SLC44A5: variants seen among roughly 807,000 people sequenced by gnomAD.
SLC44A5 encodes choline transporter-like protein 5.
SLC44A5 carries 57 observed loss-of-function variants against 101.8 expected under a neutral mutation model. The observed-to-expected ratio is 0.56, with a 90% CI of 0.45 to 0.70. The LOEUF (loss-of-function observed/expected upper bound fraction) is 0.70. Ranked by LOEUF, SLC44A5 falls within the 30% of genes least tolerant of loss-of-function variation. SLC44A5 has a pLI of 0.00. For synonymous variants in SLC44A5, 281 were observed against 290.9 expected (o/e 0.97, Z 0.35); for missense variants, 737 against 853.1 (o/e 0.86, Z 1.70).
intron 13 of SLC44A5, among the ~76,000 whole-genome samples, chr1:75,227,229 G>T (rs1471888535): frequency 6.6e-6 from 1 of 152,084 alleles, no homozygotes; most frequent in African/African-American, 2.4e-5. Flanking sequence ...GCCAGGCATG[G>T]TGGCACACAT....
chr1:75,539,336 G>T (rs1277993543), intron 2 of SLC44A5, among the ~76,000 whole-genome samples: 1 of 150,990 alleles, frequency 6.6e-6, no homozygotes, highest in African/African-American at 2.4e-5. Flanking sequence ...GTAATTTGAG[G>T]TCACTGTTCT....
chr1:75,450,869 T>C (rs989577949), intron 2 of SLC44A5, among the ~76,000 whole-genome samples: 5 of 152,156 alleles, frequency 3.3e-5, no homozygotes, highest in African/African-American at 1.2e-4. Flanking sequence ...CTCCAGGTAT[T>C]TGGGGCATCC....
At chr1:75,530,280 C>G (rs1032696505) in intron 2 of SLC44A5, among the ~76,000 whole-genome samples, 1 of 152,052 alleles carries the variant, frequency 6.6e-6, no homozygotes, top group Non-Finnish European at 1.5e-5. Flanking sequence ...CTCTTAATAT[C>G]AAGAGTATAA....
chr1:75,716,876 C>T, the SLC44A5 span, among the ~76,000 whole-genome samples: 1 of 151,206 alleles, frequency 6.6e-6, no homozygotes, highest in African/African-American at 2.4e-5. Context: ...TACTAAAATA[C>T]AAAAAAAATT....
In SLC44A5 at chr1:75,203,748, ATT is replaced by A; in HGVS notation, c.2131_2132del (p.Asn711SerfsTer4). 6.5e-7 allele frequency: 1 copy of A among 1,549,054 alleles called. No individual in the cohort carries two copies. Among genetic ancestry groups the A allele is most frequent in the East Asian group, 2.5e-5 (1 of 40,772 alleles). On this transcript the variant is annotated frameshift_variant, in exon 24 of 24. Transcript: ENST00000370859. LOFTEE classifies it low-confidence loss of function (END_TRUNC). ...QPLLKIFQEE[N>X]PQTRKQ ...TCTTCTACTGCTTCCTAGTTTGTGG[ATT>A]TTCCTCCTGGAAAATCTTCAGCAAA...
chr1:75,655,519 C>T, the SLC44A5 span, among the ~76,000 whole-genome samples: 1 of 152,146 alleles, frequency 6.6e-6, no homozygotes, highest in African/African-American at 2.4e-5. Context: ...TTCATGCAAG[C>T]TCTCGTACTA....
rs1203567869 is a variant in SLC44A5, at chr1:75,203,275, T to C, written c.*452A>G. 6.6e-6 allele frequency: 1 copy of C among 152,360 alleles called. No individual in the cohort carries two copies. Among genetic ancestry groups the C allele is most frequent in the Admixed American group, 6.5e-5 (1 of 15,272 alleles). The allele number at this position is 152,360 out of a possible 1,614,324, so 9.4% of individuals were successfully genotyped here. On this transcript the variant is annotated 3_prime_UTR_variant, in exon 24 of 24. Coordinates refer to ENST00000370859, the MANE Select transcript of SLC44A5 (RefSeq NM_001130058.2). ...CAACTGGGGCAGTCCTTTCACTGAT[T>C]TACTGTCCAACGAGAGTGGGAAAAA...
intron 22 of SLC44A5, among the ~76,000 whole-genome samples, chr1:75,212,468 T>A (rs997762240): frequency 6.6e-6 from 1 of 152,128 alleles, no homozygotes; most frequent in Non-Finnish European, 1.5e-5. Context: ...CCTGTTTCAG[T>A]TTGCTTAGGA....
At chr1:75,408,719 G>A (rs1363486747) in intron 2 of SLC44A5, among the ~76,000 whole-genome samples, 1 of 151,694 alleles carries the variant, frequency 6.6e-6, no homozygotes, top group African/African-American at 2.4e-5. Flanking sequence ...GGGCTGGGGG[G>A]CTAGGGGAGG....
chr1:75,229,004 T>C (rs988670228), intron 12 of SLC44A5, among the ~76,000 whole-genome samples: 1 of 151,890 alleles, frequency 6.6e-6, no homozygotes, highest in African/African-American at 2.4e-5. Flanking sequence ...CTTACTAATT[T>C]ATATTCTTTG....
chr1:75,516,939 G>A (rs1669871138), intron 2 of SLC44A5, among the ~76,000 whole-genome samples: 2 of 152,118 alleles, frequency 1.3e-5, no homozygotes, highest in Non-Finnish European at 2.9e-5. Flanking sequence ...TTCTGTTCAT[G>A]GGAAGAATTG....
chr1:75,495,111 A>G (rs1668601657), intron 2 of SLC44A5, among the ~76,000 whole-genome samples: 1 of 152,182 alleles, frequency 6.6e-6, no homozygotes, highest in African/African-American at 2.4e-5. Context: ...GAAGAACAAG[A>G]TACTTGACCT....
the SLC44A5 span, among the ~76,000 whole-genome samples, chr1:75,695,067 G>T: frequency 5.3e-5 from 8 of 152,144 alleles, no homozygotes; most frequent in South Asian, 6.2e-4. Flanking sequence ...GGGTAAAAAA[G>T]GCAATTGATT....
At chr1:75,650,583 C>A in the SLC44A5 span, among the ~76,000 whole-genome samples, 1 of 152,172 alleles carries the variant, frequency 6.6e-6, no homozygotes, top group Non-Finnish European at 1.5e-5. Context: ...TGCTCTGAAC[C>A]AAGTCTAATT....
intron 1 of SLC44A5, among the ~76,000 whole-genome samples, chr1:75,583,777 T>C (rs995626465): frequency 5.9e-5 from 9 of 152,200 alleles, no homozygotes; most frequent in African/African-American, 2.2e-4. Context: ...ATTTTGTAGA[T>C]GACCATAACC....
intron 1 of SLC44A5, among the ~76,000 whole-genome samples, chr1:75,603,666 A>G (rs1252120641): frequency 6.7e-6 from 1 of 150,032 alleles, no homozygotes; most frequent in Non-Finnish European, 1.5e-5. Context: ...AATTTTAATA[A>G]TAGTTATTCT....
the SLC44A5 span, among the ~76,000 whole-genome samples, chr1:75,675,668 C>T: frequency 8.5e-5 from 13 of 152,098 alleles, no homozygotes; most frequent in African/African-American, 3.1e-4. Context: ...ACAAAAACAT[C>T]AGAAGCAACT....
intron 2 of SLC44A5, among the ~76,000 whole-genome samples, chr1:75,452,965 C>T (rs1665988323): frequency 6.6e-6 from 1 of 152,048 alleles, no homozygotes; most frequent in Admixed American, 6.5e-5. Context: ...CCACCAAAAA[C>T]ACTATTCAGA....
intron 3 of SLC44A5, among the ~76,000 whole-genome samples, chr1:75,372,188 C>T (rs1254314636): frequency 7.9e-6 from 1 of 125,858 alleles, no homozygotes; most frequent in African/African-American, 3.2e-5. Context: ...CAGAGTGAGA[C>T]TCTGTCTCAA....
Sources: gnomAD v4.1 joint callset for allele counts (sites outside exome capture counted in the v4.1 genomes callset) on GRCh38, gnomAD v4.1.1 for gene constraint, MANE v1.5 for transcripts, NCBI Gene and HGNC (gene_info 2026-07-23, HGNC 2026-07-21) for gene names.